Variants in ADAP2 observed in about 807,000 individuals in gnomAD.
ADAP2 encodes arf-GAP with dual PH domain-containing protein 2.
ADAP2 carries 42 observed loss-of-function variants against 54.9 expected under a neutral mutation model. That is an observed-to-expected ratio of 0.77 (90% CI 0.60 to 0.99). The LOEUF (loss-of-function observed/expected upper bound fraction) is 0.99. ADAP2 is among the 50% of genes least tolerant of loss of function. The pLI is 0.00. For synonymous variants in ADAP2, 177 were observed against 180.1 expected (o/e 0.98, Z 0.14); for missense variants, 429 against 480.4 (o/e 0.89, Z 1.00).
chr17:30,943,009 A>C (rs1287034418), intron 5 of ADAP2, among the ~76,000 whole-genome samples: 1 of 152,264 alleles, frequency 6.6e-6, no homozygotes, highest in African/African-American at 2.4e-5. Context: ...AAAGAACTTA[A>C]AACAGAACTA....
At chr17:30,940,860 C>T (rs1323581818) in intron 5 of ADAP2, among the ~76,000 whole-genome samples, 4 of 152,154 alleles carry the variant, frequency 2.6e-5, no homozygotes, top group Non-Finnish European at 4.4e-5. Context: ...TGTTCTTTGG[C>T]CCTCTAGAAA....
chr17:30,930,965 G>C (rs998470796), intron 3 of ADAP2, among the ~76,000 whole-genome samples: 1 of 152,134 alleles, frequency 6.6e-6, no homozygotes, highest in Admixed American at 6.5e-5. Context: ...AACAATAGAG[G>C]TCTATTCCCC....
Position 30,926,909 on chromosome 17 carries a change from A to G in ADAP2, c.308A>G (p.Asn103Ser). ...VPAFYYIPQA[N>S]DCLVLKEQWI... ...GCTTTCTACTACATCCCCCAGGCCA[A>G]CGACTGCCTGTGAGTGGGTGATTCC... The change falls in exon 3 of 11, where the codon AAC becomes AGC. Residue 103 changes from asparagine (N) to serine (S), a missense_variant. Physicochemically the swap from Asn to Ser is conservative, Grantham distance 46. Coordinates refer to ENST00000330889, the MANE Select transcript of ADAP2 (RefSeq NM_018404.3). The G allele has an allele frequency of 6.2e-7, 1 of 1,613,762 alleles. No homozygotes were observed. Among genetic ancestry groups the G allele is most frequent in the Non-Finnish European group, 8.5e-7 (1 of 1,179,650 alleles).
chr17:30,927,084 A>G (rs1374916708), intron 3 of ADAP2, among the ~76,000 whole-genome samples, 166 bp downstream of exon 3: 1 of 152,044 alleles, frequency 6.6e-6, no homozygotes. Flanking sequence ...ACATGGGAAG[A>G]CTGGTATAAG....
intron 4 of ADAP2, among the ~76,000 whole-genome samples, chr17:30,933,830 C>A (rs1911676791): frequency 6.6e-6 from 1 of 152,184 alleles, no homozygotes; most frequent in East Asian, 1.9e-4. Flanking sequence ...TTGATGTCAG[C>A]ATGAAGTTGG....
At chr17:30,927,360 T>G (rs912260401) in intron 3 of ADAP2, among the ~76,000 whole-genome samples, 5 of 152,068 alleles carry the variant, frequency 3.3e-5, no homozygotes, top group Non-Finnish European at 7.4e-5. Context: ...AGGCCTGTAA[T>G]CCCAGCACTT....
intron 2 of ADAP2, 113 bp from the exon 3 acceptor site, chr17:30,926,714 C>A: frequency 1.1e-6 from 1 of 869,598 alleles, no homozygotes; most frequent in Non-Finnish European, 1.9e-6. Flanking sequence ...CCCGGTGGGA[C>A]ATCTCCTTCT....
chr17:30,955,470 G>A (rs1904995215), intron 9 of ADAP2, among the ~76,000 whole-genome samples: 1 of 151,992 alleles, frequency 6.6e-6, no homozygotes, highest in African/African-American at 2.4e-5. Context: ...CATTTTGGAA[G>A]GCTGAGGCGG....
At chr17:30,951,349 C>A (rs1275296650) in intron 7 of ADAP2, among the ~76,000 whole-genome samples, 2 of 152,070 alleles carry the variant, frequency 1.3e-5, no homozygotes, top group African/African-American at 4.8e-5. Context: ...TTTCCCTAGG[C>A]CTCTGCTTGC....
intron 10 of ADAP2, among the ~76,000 whole-genome samples, chr17:30,957,581 C>G (rs564063547): frequency 6.6e-6 from 1 of 152,260 alleles, no homozygotes; most frequent in African/African-American, 2.4e-5. Context: ...GCTCGTGACA[C>G]CACATCTAGC....
At chr17:30,932,551 G>A (rs1911575885) in intron 4 of ADAP2, among the ~76,000 whole-genome samples, 1 of 150,182 alleles carries the variant, frequency 6.7e-6, no homozygotes, top group Non-Finnish European at 1.5e-5. Flanking sequence ...ACTGTGCCCA[G>A]CCAGACTCTT....
intron 2 of ADAP2, 71 bp from the exon 3 acceptor site, chr17:30,926,756 C>T: frequency 1.5e-6 from 2 of 1,369,900 alleles, no homozygotes; most frequent in Non-Finnish European, 2.1e-6. Context: ...CAGCCTAAGT[C>T]AGTGGCCTCA....
At chr17:30,956,698 T>C (rs1023363199) in intron 10 of ADAP2, 2 of 560,164 alleles carry the variant, frequency 3.6e-6, no homozygotes, top group East Asian at 6.3e-5. Context: ...CAGGAGCTTT[T>C]AGAGGAGTTT....
chr17:30,944,350 C>T (rs996497362), intron 5 of ADAP2, among the ~76,000 whole-genome samples: 16 of 149,742 alleles, frequency 1.1e-4, no homozygotes, highest in Non-Finnish European at 1.5e-4. Context: ...AAGAAGGGAA[C>T]GATAGGCTGG....
chr17:30,952,537 A>G (rs939523479), intron 7 of ADAP2, among the ~76,000 whole-genome samples: 1 of 152,000 alleles, frequency 6.6e-6, no homozygotes, highest in Non-Finnish European at 1.5e-5. Flanking sequence ...CACCATGCCC[A>G]GCTAATTTTT....
At chr17:30,922,151 A>AC in intron 1 of ADAP2, 43 bp downstream of exon 1, 1 of 1,204,192 alleles carries the variant, frequency 8.3e-7, no homozygotes, top group Non-Finnish European at 1.0e-6. Flanking sequence ...CCCCGGCCGG[A>AC]CCCCAGGCCC....
At chr17:30,949,672 C>T (rs930821376) in intron 7 of ADAP2, among the ~76,000 whole-genome samples, 1 of 151,202 alleles carries the variant, frequency 6.6e-6, no homozygotes, top group African/African-American at 2.5e-5. Flanking sequence ...TGGTGTTAAC[C>T]CGGGAGGCGG....
intron 7 of ADAP2, among the ~76,000 whole-genome samples, chr17:30,950,543 C>T (rs763363900): frequency 2.0e-5 from 3 of 152,170 alleles, no homozygotes; most frequent in African/African-American, 4.8e-5. Context: ...TCAAGAGGCT[C>T]CCCTCCAAGA....
intron 7 of ADAP2, among the ~76,000 whole-genome samples, chr17:30,952,226 T>C (rs533196028): frequency 6.6e-4 from 100 of 152,244 alleles, no homozygotes; most frequent in African/African-American, 2.3e-3. Flanking sequence ...AGGCTGTTTA[T>C]CACACAGGGG....
Sources: gnomAD v4.1 joint callset for allele counts (sites outside exome capture counted in the v4.1 genomes callset) on GRCh38, gnomAD v4.1.1 for gene constraint, MANE v1.5 for transcripts, NCBI Gene and HGNC (gene_info 2026-07-23, HGNC 2026-07-21) for gene names.